Variants in DIAPH3 observed in about 807,000 individuals in gnomAD.
DIAPH3 encodes protein diaphanous homolog 3.
In DIAPH3, 117 loss-of-function variants were observed where a neutral mutation model predicts 144.3. That is an observed-to-expected ratio of 0.81 (90% CI 0.70 to 0.95). The LOEUF (loss-of-function observed/expected upper bound fraction) is 0.95. Among genes scored for constraint, DIAPH3 ranks in the 40% least tolerant of loss-of-function variants. The pLI, the probability that DIAPH3 is intolerant of heterozygous loss-of-function variation, is 0.00. For synonymous variants in DIAPH3, 519 were observed against 488.9 expected (o/e 1.06, Z -0.81); for missense variants, 1,421 against 1,412.7 (o/e 1.01, Z -0.09).
In DIAPH3 at chr13:59,830,243, C is replaced by A. The variant is rs1333028574; in HGVS notation, c.3027+2864G>T. 2.6e-5 allele frequency among the ~76,000 whole-genome samples: 4 copies of A among 151,860 alleles called. No homozygotes were observed. The South Asian group carries it at 8.3e-4, about 31-fold the overall frequency. On this transcript the variant is annotated intron_variant, in intron 24 of 27. Coordinates refer to ENST00000400324, the MANE Select transcript of DIAPH3 (RefSeq NM_001042517.2). ...TTTTTGCCAATATTGCTACTCTGGACTTCAAAGCGATATATTTTGTCTAAA... is the reference window on the plus strand; with the variant it reads ...TTTTTGCCAATATTGCTACTCTGGAATTCAAAGCGATATATTTTGTCTAAA...
rs527515866 is a variant in DIAPH3 at position 59,684,081 on chromosome 13, G to T, written c.3320-17235C>A. ...AAAAAAAAACAAGGCCAAGGAGCCA[G>T]CTGTTATCTGTGAGACTCTGACAAC... On this transcript the variant is annotated intron_variant, in intron 27 of 27. Transcript: ENST00000400324. Among the ~76,000 whole-genome samples the T allele has an allele frequency of 2.6e-5, 4 of 151,310 alleles. No homozygotes were observed. In the South Asian group the frequency reaches 8.3e-4, roughly 32 times the overall value.
Position 59,981,506 on chromosome 13 carries a change from T to A in DIAPH3, c.1481-647A>T, listed in dbSNP as rs1439933696. Among the ~76,000 whole-genome samples, 4 of 147,580 alleles carry A rather than the reference T, an allele frequency of 2.7e-5. No homozygotes were observed. The East Asian group carries it at 7.8e-4, about 29-fold the overall frequency. Reference sequence around the variant, plus strand: ...AAACTCATTAAAATATTTTTTGATGTTAGACAAAAAAAAAAAAAACTGAAA... The same window carrying A: ...AAACTCATTAAAATATTTTTTGATGATAGACAAAAAAAAAAAAAACTGAAA... On this transcript the variant is annotated intron_variant, in intron 13 of 27. Coordinates refer to ENST00000400324, the MANE Select transcript of DIAPH3 (RefSeq NM_001042517.2).
At chr13:60,086,468 G>A (rs2057751235) in intron 4 of DIAPH3, among the ~76,000 whole-genome samples, 2 of 152,096 alleles carry the variant, frequency 1.3e-5, no homozygotes, top group Admixed American at 6.6e-5. Flanking sequence ...GTAAGACCTG[G>A]AAACAAGCAG....
chr13:60,064,563 AAG>A (rs1406569362), intron 4 of DIAPH3, among the ~76,000 whole-genome samples: 1 of 152,172 alleles, frequency 6.6e-6, no homozygotes, highest in Non-Finnish European at 1.5e-5. Flanking sequence ...CATAAAACTG[AAG>A]AGAGTTAGGG....
At chr13:60,159,886 T>C (rs1244719947) in intron 1 of DIAPH3, among the ~76,000 whole-genome samples, 1 of 152,114 alleles carries the variant, frequency 6.6e-6, no homozygotes, top group Admixed American at 6.5e-5. Context: ...TTACCATCAA[T>C]GCCCAAACAT....
At chr13:59,691,275 G>T (rs1182169984) in intron 27 of DIAPH3, among the ~76,000 whole-genome samples, 1 of 152,116 alleles carries the variant, frequency 6.6e-6, no homozygotes. Context: ...ACAGACCCTT[G>T]CCCTGCATGA....
intron 4 of DIAPH3, among the ~76,000 whole-genome samples, chr13:60,052,959 T>TTAAAAAAAA (rs2056408136): frequency 2.5e-5 from 1 of 40,660 alleles, no homozygotes; most frequent in Non-Finnish European, 4.0e-5. Flanking sequence ...GACTCCCTCT[T>TTAAAAAAAA]AAAAAAAAAA....
intron 4 of DIAPH3, among the ~76,000 whole-genome samples, chr13:60,082,043 C>A (rs1283939231): frequency 1.3e-5 from 2 of 151,474 alleles, no homozygotes; most frequent in East Asian, 1.9e-4. Flanking sequence ...TTGTAACTTA[C>A]AATTTCAAAG....
At chr13:59,806,920 A>C (rs1202633934) in intron 25 of DIAPH3, among the ~76,000 whole-genome samples, 1 of 151,832 alleles carries the variant, frequency 6.6e-6, no homozygotes, top group Non-Finnish European at 1.5e-5. Flanking sequence ...TATTTAACAT[A>C]TTTTCAGTAA....
Position 59,993,633 on chromosome 13 carries a change from G to A in DIAPH3, c.1015-1050C>T, listed in dbSNP as rs12431045. 5.0e-4 allele frequency among the ~76,000 whole-genome samples: 70 copies of A among 140,334 alleles called. 1 individual carries two copies. The highest frequency in any genetic ancestry group is 2.6e-3 in the Admixed American group (32 of 12,528). 92.1% of individuals were successfully genotyped at this position (140,334 alleles called of 152,430 possible). A position where few individuals can be genotyped will look rare whatever the true frequency, so the allele number is the denominator to read the frequency against. On this transcript the variant is annotated intron_variant, in intron 9 of 27. Coordinates refer to ENST00000400324, the MANE Select transcript of DIAPH3 (RefSeq NM_001042517.2). ...ATCTGACCAGCATGCCTCTACTGTC[G>A]AAACTTAAGGTTGTTTAAAGTGGGA...
intron 22 of DIAPH3, among the ~76,000 whole-genome samples, chr13:59,840,413 T>C (rs1212364717): frequency 1.3e-5 from 2 of 152,048 alleles, no homozygotes; most frequent in African/African-American, 4.8e-5. Context: ...TCTATAAGGA[T>C]AGGAATATCC....
chr13:59,857,941 A>C (rs2043349890), intron 22 of DIAPH3, among the ~76,000 whole-genome samples: 1 of 152,202 alleles, frequency 6.6e-6, no homozygotes, highest in African/African-American at 2.4e-5. Context: ...GGAGCCAAGC[A>C]GGATTTTTTC....
chr13:60,066,134 CA>C (rs1221075979), intron 4 of DIAPH3, among the ~76,000 whole-genome samples: 1 of 152,030 alleles, frequency 6.6e-6, no homozygotes, highest in Non-Finnish European at 1.5e-5. Flanking sequence ...ATTCATTAAA[CA>C]TGAAAGTAAA....
intron 4 of DIAPH3, among the ~76,000 whole-genome samples, chr13:60,057,057 A>G (rs1114205): frequency 0.078 from 11,871 of 151,976 alleles, 1,383 homozygotes; most frequent in African/African-American, 0.26. Flanking sequence ...AGTCCTAGCC[A>G]GAGCAATCAG....
At chr13:60,042,199 A>G (rs1303262740) in intron 5 of DIAPH3, among the ~76,000 whole-genome samples, 2 of 152,152 alleles carry the variant, frequency 1.3e-5, no homozygotes, top group African/African-American at 4.8e-5. Flanking sequence ...ACGTCAGATA[A>G]ACAGTGTGTG....
chr13:59,825,603 A>G (rs1000786252), intron 24 of DIAPH3, among the ~76,000 whole-genome samples: 1 of 152,182 alleles, frequency 6.6e-6, no homozygotes, highest in African/African-American at 2.4e-5. Context: ...TCCCTGAGGA[A>G]TCGCCACACT....
chr13:60,129,970 G>A (rs56400927), intron 2 of DIAPH3, among the ~76,000 whole-genome samples: 5,706 of 152,156 alleles, frequency 0.038, 170 homozygotes, highest in East Asian at 0.1. Flanking sequence ...GGGTAAAAAC[G>A]GACAGAACTG....
intron 14 of DIAPH3, 40 bp downstream of exon 14, chr13:59,980,755 T>A: frequency 6.5e-7 from 1 of 1,548,208 alleles, no homozygotes; most frequent in Non-Finnish European, 8.9e-7. Flanking sequence ...CCTGCAGTGG[T>A]TCCCCACAGA....
At chr13:59,833,885 C>T (rs1331708758) in intron 23 of DIAPH3, among the ~76,000 whole-genome samples, 2 of 149,498 alleles carry the variant, frequency 1.3e-5, no homozygotes, top group Non-Finnish European at 3.0e-5. Flanking sequence ...TTGTTATCAT[C>T]ATCCCTCACT....
Sources: gnomAD v4.1 joint callset for allele counts (sites outside exome capture counted in the v4.1 genomes callset) on GRCh38, gnomAD v4.1.1 for gene constraint, MANE v1.5 for transcripts, NCBI Gene and HGNC (gene_info 2026-07-23, HGNC 2026-07-21) for gene names.